Variants in NUB1 observed in about 807,000 individuals in gnomAD.
NUB1 encodes NEDD8 ultimate buster 1.
Under a neutral mutation model 77.1 loss-of-function variants are expected in NUB1, and 41 were observed. The ratio of observed to expected loss-of-function variants is 0.53; its 90% confidence interval spans 0.41 to 0.69. NUB1 has a LOEUF of 0.69. Ranked by LOEUF, NUB1 falls within the 30% of genes least tolerant of loss-of-function variation. The pLI is 0.00. For missense variants in NUB1, 643 were observed against 743.8 expected (o/e 0.86, Z 1.58); for synonymous variants, 257 against 281.0 (o/e 0.91, Z 0.85).
chr7:151,352,862 A>G lies in NUB1; in HGVS notation c.395A>G (p.Asn132Ser). The G allele has an allele frequency of 6.4e-7, 1 of 1,555,880 alleles. No individual in the cohort carries two copies. The highest frequency in any genetic ancestry group is 1.4e-5 in the African/African-American group (1 of 73,698). The change falls in exon 5 of 15, where the codon AAT becomes AGT. Residue 132 changes from asparagine to serine, a missense_variant. Physicochemically the swap from Asn to Ser is conservative, Grantham distance 46. Coordinates refer to ENST00000568733, the MANE Select transcript of NUB1 (RefSeq NM_001243351.2). ...LQENYIKIVI[N>S]KKQLQLGKTL... is the part of the protein sequence containing the mutation. ...GAAAATTATATCAAAATTGTCATAA[A>G]TAAGAAGCAACTACAACTAGGTATG...
intron 8 of NUB1, among the ~76,000 whole-genome samples, chr7:151,364,937 A>G (rs1797593645): frequency 6.6e-6 from 1 of 151,804 alleles, no homozygotes; most frequent in Non-Finnish European, 1.5e-5. Flanking sequence ...CTAAAATTGT[A>G]AACCAAAGCA....
At chr7:151,345,500 C>A in intron 2 of NUB1, 34 bp downstream of exon 2, 1 of 1,047,426 alleles carries the variant, frequency 9.5e-7, no homozygotes, top group Non-Finnish European at 1.4e-6. Flanking sequence ...TAATTAGCAG[C>A]ATTATAAATC....
intron 11 of NUB1, among the ~76,000 whole-genome samples, chr7:151,372,597 C>T (rs1798012675): frequency 6.6e-6 from 1 of 152,202 alleles, no homozygotes. Flanking sequence ...GTATGAAAGA[C>T]TCCTGCTGGC....
intron 1 of NUB1, among the ~76,000 whole-genome samples, chr7:151,345,092 A>G (rs1361677283): frequency 6.6e-6 from 1 of 152,162 alleles, no homozygotes; most frequent in African/African-American, 2.4e-5. Context: ...ATTAAGAAAT[A>G]GAAACATGTA....
At chr7:151,368,656 AT>A (rs903301218) in intron 10 of NUB1, 78 bp from the exon 11 acceptor site, 2 of 1,451,282 alleles carry the variant, frequency 1.4e-6, no homozygotes, top group Non-Finnish European at 9.2e-7. Context: ...ATACAATCTA[AT>A]TTCTTTTAGG....
At chr7:151,367,193 A>G (rs970138115) in intron 9 of NUB1, 68 bp downstream of exon 9, 1 of 1,328,386 alleles carries the variant, frequency 7.5e-7, no homozygotes, top group Non-Finnish European at 1.1e-6. Flanking sequence ...ATTCCTGTTA[A>G]AGTATTTGAA....
chr7:151,377,554 G>A lies in NUB1; in HGVS notation c.*329G>A. ...GTCCTGGGGAAGGTGTCCAGGGCAGGGTCCTGGGAAGGGTGTCCCGACCGC... is the reference window on the plus strand; with the variant it reads ...GTCCTGGGGAAGGTGTCCAGGGCAGAGTCCTGGGAAGGGTGTCCCGACCGC... On this transcript the variant is annotated 3_prime_UTR_variant, in exon 15 of 15. Transcript: ENST00000568733. 1 of 170,340 alleles carries A rather than the reference G, an allele frequency of 5.9e-6. No individual in the cohort carries two copies. The highest frequency in any genetic ancestry group is 1.2e-5 in the Non-Finnish European group (1 of 80,198). 10.6% of individuals were successfully genotyped at this position (170,340 alleles called of 1,614,324 possible).
chr7:151,351,937 G>T (rs868323003), intron 4 of NUB1, among the ~76,000 whole-genome samples: 1 of 62,442 alleles, frequency 1.6e-5, no homozygotes, highest in Admixed American at 1.7e-4. Context: ...ACACACACAC[G>T]TTTGCCACAT....
At chr7:151,363,527 G>A (rs1797488297) in intron 8 of NUB1, among the ~76,000 whole-genome samples, 1 of 151,110 alleles carries the variant, frequency 6.6e-6, no homozygotes, top group African/African-American at 2.4e-5. Context: ...GCATGTAATT[G>A]GAGTCCCTGG....
At chr7:151,350,593 A>T (rs1290193225) in intron 3 of NUB1, among the ~76,000 whole-genome samples, 1 of 152,250 alleles carries the variant, frequency 6.6e-6, no homozygotes, top group East Asian at 1.9e-4. Flanking sequence ...TAGAACAAAG[A>T]TTATTGTAAT....
At chr7:151,370,335 C>T (rs1316731402) in intron 11 of NUB1, among the ~76,000 whole-genome samples, 5 of 152,164 alleles carry the variant, frequency 3.3e-5, no homozygotes, top group Admixed American at 6.5e-5. Flanking sequence ...GTGATCCTCC[C>T]GCCTTGGCCT....
Position 151,350,692 on chromosome 7 carries a change from C to T in NUB1, c.286-732C>T, listed in dbSNP as rs180810841. Among the ~76,000 whole-genome samples the T allele has an allele frequency of 1.2e-4, 18 of 152,210 alleles. No homozygotes were observed. The East Asian group carries it at 2.7e-3, about 23-fold the overall frequency. On this transcript the variant is annotated intron_variant, in intron 3 of 14. Coordinates refer to ENST00000568733, the MANE Select transcript of NUB1 (RefSeq NM_001243351.2). ...TATTTCTAGTGTAACTATTCTTATT[C>T]TATATATTTTCTTTATTATACTGGA... is the stretch of plus-strand genomic sequence containing the variant.
At chr7:151,344,180 CAAAAAAAAAAA>C (rs561127147) in intron 1 of NUB1, among the ~76,000 whole-genome samples, 5,427 of 44,634 alleles carry the variant, frequency 0.12, 111 homozygotes, top group Non-Finnish European at 0.19. Flanking sequence ...GACTCCCTCT[CAAAAAAAAAAA>C]AAAAAAAAAA....
At chr7:151,367,771 C>A in intron 9 of NUB1, 90 bp from the exon 10 acceptor site, 1 of 826,690 alleles carries the variant, frequency 1.2e-6, no homozygotes, top group Non-Finnish European at 1.9e-6. Flanking sequence ...TGTTGCCCCT[C>A]TGGAGACCAA....
At chr7:151,361,644 A>G (rs1187482463) in intron 8 of NUB1, among the ~76,000 whole-genome samples, 1 of 152,242 alleles carries the variant, frequency 6.6e-6, no homozygotes. Flanking sequence ...TTCCCAAGAT[A>G]ATACTGTATA....
In NUB1 at chr7:151,363,789, A is replaced by G. The variant is rs942328194; in HGVS notation, c.801-3150A>G. Among the ~76,000 whole-genome samples, 60 of 151,858 alleles carry G rather than the reference A, an allele frequency of 4.0e-4. 1 individual carries two copies. The highest frequency in any genetic ancestry group is 1.6e-4 in the Non-Finnish European group (11 of 67,966). ...TAAGTTTGGCTTATTTTTTTATTTTATTTTTTCAGACGGAGTCTCACTCTG... is the reference window on the plus strand; with the variant it reads ...TAAGTTTGGCTTATTTTTTTATTTTGTTTTTTCAGACGGAGTCTCACTCTG... On this transcript the variant is annotated intron_variant, in intron 8 of 14. Coordinates refer to ENST00000568733, the MANE Select transcript of NUB1 (RefSeq NM_001243351.2).
chr7:151,377,324 A>C lies in NUB1; in HGVS notation c.*99A>C. On this transcript the variant is annotated 3_prime_UTR_variant, in exon 15 of 15. Transcript: ENST00000568733. Reference sequence around the variant, plus strand: ...TGTTCTTACTTTTTATCTGAATTACAAGTCCTCTTTGGGTGTAGGAGGGGG... The same window carrying C: ...TGTTCTTACTTTTTATCTGAATTACCAGTCCTCTTTGGGTGTAGGAGGGGG... The C allele has an allele frequency of 1.1e-6, 1 of 883,862 alleles. No individual in the cohort carries two copies. The highest frequency in any genetic ancestry group is 1.7e-6 in the Non-Finnish European group (1 of 600,558). The allele number at this position is 883,862 out of a possible 1,614,324, so 54.8% of individuals were successfully genotyped here. A position where few individuals can be genotyped will look rare whatever the true frequency, so the allele number is the denominator to read the frequency against.
At chr7:151,364,191 G>A (rs1044286902) in intron 8 of NUB1, among the ~76,000 whole-genome samples, 6 of 151,104 alleles carry the variant, frequency 4.0e-5, no homozygotes, top group Non-Finnish European at 5.9e-5. Flanking sequence ...GGGAGGCCGA[G>A]GCAGGCAGAT....
At position 151,376,438 on chromosome 7, in the gene NUB1, C is replaced by A. The variant is rs61612466; in HGVS notation, c.1492-196C>A. On this transcript the variant is annotated intron_variant, in intron 13 of 14. Coordinates refer to ENST00000568733, the MANE Select transcript of NUB1 (RefSeq NM_001243351.2). ...TGAGATGGCTGCTCCCTGACGCACCCGACTTGAGTCTTCCAAGCCCCCTTC... is the reference window on the plus strand; with the variant it reads ...TGAGATGGCTGCTCCCTGACGCACCAGACTTGAGTCTTCCAAGCCCCCTTC... The A allele has an allele frequency of 8.7e-3, 5,045 of 580,348 alleles. 203 individuals carry two copies. The highest frequency in any genetic ancestry group is 0.084 in the African/African-American group (4,533 of 53,676). 35.9% of individuals were successfully genotyped at this position (580,348 alleles called of 1,614,324 possible).
Sources: allele counts gnomAD v4.1 joint callset (sites outside exome capture counted in the v4.1 genomes callset), GRCh38; gene constraint gnomAD v4.1.1; transcripts MANE v1.5; gene names NCBI Gene and HGNC (gene_info 2026-07-23, HGNC 2026-07-21).